GLMN: variants seen among roughly 807,000 people sequenced by gnomAD.
GLMN encodes the protein glomulin.
A neutral mutation model predicts 87.8 loss-of-function variants in GLMN; 75 were observed. That is an observed-to-expected ratio of 0.85 (90% CI 0.71 to 1.04). The LOEUF is 1.04. Ranked by LOEUF, GLMN falls within the 50% of genes least tolerant of loss-of-function variation. The pLI is 0.00. For synonymous variants in GLMN, 206 were observed against 221.6 expected (o/e 0.93, Z 0.63); for missense variants, 588 against 658.8 (o/e 0.89, Z 1.18).
At chr1:92,309,360 T>A in the GLMN span, among the ~76,000 whole-genome samples, 1 of 150,932 alleles carries the variant, frequency 6.6e-6, no homozygotes, top group African/African-American at 2.4e-5. Flanking sequence ...GAGAATTGCT[T>A]GAACCTGGGA....
chr1:92,338,154 T>C, the GLMN span, among the ~76,000 whole-genome samples: 1 of 152,188 alleles, frequency 6.6e-6, no homozygotes, highest in African/African-American at 2.4e-5. Context: ...TTTTACTTCA[T>C]TTTATCTAGG....
chr1:92,346,049 T>TC, the GLMN span: 1 of 552,962 alleles, frequency 1.8e-6, no homozygotes, highest in Non-Finnish European at 3.2e-6. Flanking sequence ...TATTTTCCTT[T>TC]CCTATGTAAG....
intron 16 of GLMN, among the ~76,000 whole-genome samples, chr1:92,256,852 G>A (rs1407098691): frequency 6.6e-6 from 1 of 152,136 alleles, no homozygotes; most frequent in Non-Finnish European, 1.5e-5. Flanking sequence ...CACAAGACAG[G>A]GATGCCCTCT....
At chr1:92,264,417 G>GA (rs56863593) in intron 14 of GLMN, 137 bp downstream of exon 14, 1 of 596,074 alleles carries the variant, frequency 1.7e-6, no homozygotes, top group Non-Finnish European at 3.0e-6. Flanking sequence ...AGAAATAGGG[G>GA]AAAAAATATG....
the GLMN span, among the ~76,000 whole-genome samples, chr1:92,328,800 AG>A: frequency 2.6e-5 from 4 of 152,196 alleles, no homozygotes; most frequent in Non-Finnish European, 5.9e-5. Flanking sequence ...CTGGGACTCA[AG>A]GGCTGCTGTT....
intron 16 of GLMN, among the ~76,000 whole-genome samples, chr1:92,248,850 CTTAT>C (rs1183642239): frequency 1.3e-5 from 2 of 152,000 alleles, no homozygotes; most frequent in African/African-American, 4.8e-5. Context: ...GTCATCTTGT[CTTAT>C]TTATCCTATA....
At chr1:92,296,536 A>T (rs1272459425) in intron 3 of GLMN, among the ~76,000 whole-genome samples, 2 of 152,166 alleles carry the variant, frequency 1.3e-5, no homozygotes, top group African/African-American at 4.8e-5. Context: ...CCCATGATTC[A>T]ATCACCTCCA....
At chr1:92,263,290 CAATAA>C (rs1459329097) in intron 15 of GLMN, among the ~76,000 whole-genome samples, 1 of 151,422 alleles carries the variant, frequency 6.6e-6, no homozygotes, top group Non-Finnish European at 1.5e-5. Flanking sequence ...ACCTGGAAAA[CAATAA>C]AACAACAAAA....
At chr1:92,261,960 CA>C (rs1655109013) in intron 16 of GLMN, among the ~76,000 whole-genome samples, 1 of 151,558 alleles carries the variant, frequency 6.6e-6, no homozygotes, top group South Asian at 2.1e-4. Context: ...AGTTTCACAA[CA>C]AAATGTTAAA....
At chr1:92,267,886 C>A in intron 11 of GLMN, 27 bp downstream of exon 11, 1 of 1,061,016 alleles carries the variant, frequency 9.4e-7, no homozygotes, top group South Asian at 1.3e-5. Context: ...GGGCTATTTT[C>A]AATATTAGAA....
the GLMN span, among the ~76,000 whole-genome samples, chr1:92,338,500 T>G: frequency 1.3e-5 from 2 of 152,216 alleles, no homozygotes; most frequent in African/African-American, 4.8e-5. Flanking sequence ...CTGTCTACAC[T>G]GATGATAAAG....
the GLMN span, among the ~76,000 whole-genome samples, chr1:92,359,949 AAC>A: frequency 1.3e-5 from 2 of 152,206 alleles, no homozygotes; most frequent in Non-Finnish European, 2.9e-5. Context: ...ACTAAATGCA[AAC>A]ACTGCTAGAC....
chr1:92,264,180 G>GT (rs1371340557), intron 14 of GLMN, among the ~76,000 whole-genome samples: 2 of 152,052 alleles, frequency 1.3e-5, no homozygotes, highest in African/African-American at 4.8e-5. Context: ...AGGCGCACTG[G>GT]TGGACACCTG....
chr1:92,295,977 G>C (rs1650001754), intron 3 of GLMN, among the ~76,000 whole-genome samples: 1 of 152,060 alleles, frequency 6.6e-6, no homozygotes, highest in African/African-American at 2.4e-5. Flanking sequence ...AAAAACATAA[G>C]ATTTATTATA....
chr1:92,358,139 G>A, the GLMN span, among the ~76,000 whole-genome samples: 1 of 152,144 alleles, frequency 6.6e-6, no homozygotes, highest in African/African-American at 2.4e-5. Flanking sequence ...CTTCCACCTT[G>A]CGTCAGCCCT....
chr1:92,350,383 A>C, the GLMN span, among the ~76,000 whole-genome samples: 1 of 152,186 alleles, frequency 6.6e-6, no homozygotes, highest in African/African-American at 2.4e-5. Context: ...TTTTTAGAAG[A>C]ACTCATTAGA....
intron 7 of GLMN, among the ~76,000 whole-genome samples, chr1:92,279,140 A>G (rs369924700): frequency 1.3e-4 from 20 of 152,270 alleles, no homozygotes; most frequent in Admixed American, 1.1e-3. Context: ...TATGTCCATC[A>G]TTAAAGTCAC....
upstream of GLMN, chr1:92,299,161 C>G: frequency 6.8e-7 from 1 of 1,470,398 alleles, no homozygotes; most frequent in Non-Finnish European, 9.1e-7. Flanking sequence ...GAGCAAGGAT[C>G]TCTTCCCACT....
At chr1:92,336,565 C>T in the GLMN span, 16 of 604,488 alleles carry the variant, frequency 2.6e-5, no homozygotes, top group Non-Finnish European at 4.1e-5. Flanking sequence ...ATTTTCTCCT[C>T]CACTAAACAA....
Sources: gnomAD v4.1 joint callset for allele counts (sites outside exome capture counted in the v4.1 genomes callset) on GRCh38, gnomAD v4.1.1 for gene constraint, MANE v1.5 for transcripts, NCBI Gene and HGNC (gene_info 2026-07-23, HGNC 2026-07-21) for gene names.